A1CF: variants seen among roughly 807,000 people sequenced by gnomAD.
A1CF encodes APOBEC1 complementation factor, also known as APOBEC-1 stimulating protein.
Under a neutral mutation model 68.9 loss-of-function variants are expected in A1CF, and 48 were observed. The observed-to-expected ratio is 0.70, with a 90% CI of 0.55 to 0.89. The LOEUF (loss-of-function observed/expected upper bound fraction) is 0.89, where lower values mean the gene tolerates loss of function less well. Among genes scored for constraint, A1CF ranks in the 40% least tolerant of loss-of-function variants. The pLI, the probability that A1CF is intolerant of heterozygous loss-of-function variation, is 0.00. For synonymous variants in A1CF, 272 were observed against 260.4 expected, an observed-to-expected ratio of 1.04 and a Z score of -0.43; for missense variants, 653 against 718.9, an observed-to-expected ratio of 0.91 and a Z score of 1.05.
intron 11 of A1CF, among the ~76,000 whole-genome samples, 187 bp from the exon 12 acceptor site, chr10:50,810,229 G>A (rs1429623037): frequency 6.6e-6 from 1 of 152,148 alleles, no homozygotes; most frequent in Non-Finnish European, 1.5e-5. Flanking sequence ...AATTGATCTA[G>A]AACATCAGTG....
intron 5 of A1CF, among the ~76,000 whole-genome samples, chr10:50,839,529 A>G (rs1206128181): frequency 6.6e-6 from 1 of 152,230 alleles, no homozygotes. Flanking sequence ...GCATTCGTCC[A>G]AAGGAACCTG....
At chr10:50,869,715 T>C (rs1227665887) in intron 1 of A1CF, among the ~76,000 whole-genome samples, 2 of 152,086 alleles carry the variant, frequency 1.3e-5, no homozygotes, top group East Asian at 3.8e-4. Context: ...ACTTGTGAAA[T>C]ATAATAAAGT....
chr10:50,836,485 T>C (rs1020778031), intron 5 of A1CF, among the ~76,000 whole-genome samples, 173 bp from the exon 6 acceptor site: 9 of 152,178 alleles, frequency 5.9e-5, no homozygotes, highest in African/African-American at 1.7e-4. Context: ...TGTGTCAACA[T>C]GTGCTCTACA....
At chr10:50,842,205 A>C (rs899385183) in intron 4 of A1CF, among the ~76,000 whole-genome samples, 5 of 152,354 alleles carry the variant, frequency 3.3e-5, no homozygotes, top group Non-Finnish European at 5.9e-5. Context: ...AGAGAAGTTA[A>C]GTTAAATAAA....
intron 3 of A1CF, among the ~76,000 whole-genome samples, chr10:50,848,524 G>A (rs574140696): frequency 6.6e-6 from 1 of 152,096 alleles, no homozygotes; most frequent in Non-Finnish European, 1.5e-5. Context: ...TCCCATAAAT[G>A]AGCCCATTCA....
At chr10:50,828,806 C>T (rs1263909862) in intron 6 of A1CF, among the ~76,000 whole-genome samples, 1 of 152,118 alleles carries the variant, frequency 6.6e-6, no homozygotes, top group Non-Finnish European at 1.5e-5. Flanking sequence ...GTGGGTGGGA[C>T]TCAGGCATCC....
chr10:50,859,802 A>T (rs1840656713), intron 3 of A1CF, 40 bp downstream of exon 3: 1 of 1,557,376 alleles, frequency 6.4e-7, no homozygotes, highest in Non-Finnish European at 8.8e-7. Context: ...CCACTGTGCA[A>T]ATTCAGTGGT....
chr10:50,831,757 G>A (rs1256422302), intron 6 of A1CF, among the ~76,000 whole-genome samples: 1 of 152,046 alleles, frequency 6.6e-6, no homozygotes, highest in Non-Finnish European at 1.5e-5. Flanking sequence ...CAGGGCAATG[G>A]ATTTGAATAG....
intron 8 of A1CF, among the ~76,000 whole-genome samples, chr10:50,819,061 G>A (rs10994593): frequency 2.6e-5 from 4 of 152,240 alleles, no homozygotes; most frequent in South Asian, 4.2e-4. Context: ...TGCTGGACCC[G>A]TCTTTGAGAG....
At chr10:50,844,391 T>C (rs1048972607) in intron 3 of A1CF, among the ~76,000 whole-genome samples, 12 of 152,126 alleles carry the variant, frequency 7.9e-5, no homozygotes, top group Non-Finnish European at 1.5e-4. Context: ...TTAATTTCAT[T>C]GAGTAAGAAC....
intron 11 of A1CF, among the ~76,000 whole-genome samples, chr10:50,810,686 A>G (rs1243433512): frequency 1.3e-5 from 2 of 152,234 alleles, no homozygotes; most frequent in African/African-American, 2.4e-5. Context: ...TAATTTTTGT[A>G]TTTTTAGTAG....
At chr10:50,807,747 G>A (rs1044270743) in intron 12 of A1CF, among the ~76,000 whole-genome samples, 3 of 152,156 alleles carry the variant, frequency 2.0e-5, no homozygotes, top group African/African-American at 7.2e-5. Context: ...TCCAGAAATT[G>A]TAAAAGATAG....
chr10:50,845,088 A>G (rs939978133), intron 3 of A1CF, among the ~76,000 whole-genome samples: 1 of 152,196 alleles, frequency 6.6e-6, no homozygotes, highest in Non-Finnish European at 1.5e-5. Context: ...TTAAAAAGAT[A>G]TCATATGAGT....
chr10:50,818,380 G>T (rs1027749894), intron 8 of A1CF, among the ~76,000 whole-genome samples: 1 of 151,672 alleles, frequency 6.6e-6, no homozygotes, highest in African/African-American at 2.4e-5. Flanking sequence ...ACTTACTTTT[G>T]ATTTTTCCAT....
chr10:50,809,647 C>G (rs1838000948), intron 12 of A1CF, among the ~76,000 whole-genome samples: 1 of 152,150 alleles, frequency 6.6e-6, no homozygotes, highest in Non-Finnish European at 1.5e-5. Context: ...GAGAGACTGA[C>G]TCATTCAAGA....
intron 9 of A1CF, 27 bp from the exon 10 acceptor site, chr10:50,814,065 A>G (rs1385523844): frequency 3.1e-6 from 5 of 1,612,180 alleles, no homozygotes; most frequent in South Asian, 1.1e-5. Context: ...GTAAATTTCT[A>G]GGAACGTAAG....
chr10:50,846,893 G>C (rs972102249), intron 3 of A1CF, among the ~76,000 whole-genome samples: 4 of 152,182 alleles, frequency 2.6e-5, no homozygotes, highest in African/African-American at 9.7e-5. Flanking sequence ...CTCAGTAGGG[G>C]AGATTTGCTC....
intron 3 of A1CF, among the ~76,000 whole-genome samples, chr10:50,857,827 T>C (rs192341188): frequency 3.3e-5 from 5 of 152,226 alleles, no homozygotes; most frequent in Admixed American, 1.3e-4. Flanking sequence ...GGATCAGAGT[T>C]TGGCCACGTG....
chr10:50,867,166 C>T (rs2132559797), intron 1 of A1CF, among the ~76,000 whole-genome samples: 1 of 152,122 alleles, frequency 6.6e-6, no homozygotes, highest in African/African-American at 2.4e-5. Flanking sequence ...TTGGGCACTA[C>T]TGGGTATCTA....
Sources: gnomAD v4.1 joint callset for allele counts (sites outside exome capture counted in the v4.1 genomes callset) on GRCh38, gnomAD v4.1.1 for gene constraint, MANE v1.5 for transcripts, NCBI Gene and HGNC (gene_info 2026-07-23, HGNC 2026-07-21) for gene names.